Variants in TIAM1 observed in about 807,000 individuals in gnomAD.
The protein encoded by TIAM1 is TIAM Rac1 associated GEF 1.
A neutral mutation model predicts 163.5 loss-of-function variants in TIAM1; 65 were observed. The ratio of observed to expected loss-of-function variants is 0.40; its 90% CI spans 0.33 to 0.49. TIAM1 has a LOEUF of 0.49. Among genes scored for constraint, TIAM1 ranks in the 20% least tolerant of loss-of-function variants. The pLI, the probability that TIAM1 is intolerant of heterozygous loss-of-function variation, is 0.77. For synonymous variants in TIAM1, 833 were observed against 810.1 expected (o/e 1.03, Z -0.48); for missense variants, 1,789 against 2,044.7 (o/e 0.87, Z 2.41).
At chr21:31,315,463 C>G (rs1469896206) in intron 2 of TIAM1, among the ~76,000 whole-genome samples, 1 of 151,298 alleles carries the variant, frequency 6.6e-6, no homozygotes, top group Non-Finnish European at 1.5e-5. Context: ...TGCAGTGAGC[C>G]AAGATCACGC....
At chr21:31,309,315 G>A (rs993951554) in intron 2 of TIAM1, among the ~76,000 whole-genome samples, 4 of 151,954 alleles carry the variant, frequency 2.6e-5, no homozygotes, top group Non-Finnish European at 4.4e-5. Flanking sequence ...AAAATTAGCC[G>A]GGCACGGTGG....
chr21:31,205,910 G>A (rs2086430026), intron 11 of TIAM1, among the ~76,000 whole-genome samples: 1 of 152,162 alleles, frequency 6.6e-6, no homozygotes, highest in African/African-American at 2.4e-5. Flanking sequence ...CAAGGCTGCA[G>A]TGAGCTATGA....
intron 14 of TIAM1, among the ~76,000 whole-genome samples, chr21:31,185,835 T>C (rs2146455993): frequency 6.6e-6 from 1 of 152,020 alleles, no homozygotes; most frequent in East Asian, 1.9e-4. Context: ...GCCATGTGAC[T>C]TCAGGCAGAG....
intron 1 of TIAM1, among the ~76,000 whole-genome samples, chr21:31,465,448 A>T (rs2045488259): frequency 6.6e-6 from 1 of 152,072 alleles, no homozygotes; most frequent in African/African-American, 2.4e-5. Flanking sequence ...GAAAGACAGA[A>T]TTAAGATGAA....
At chr21:31,459,422 A>G (rs2045241139) in intron 2 of TIAM1, among the ~76,000 whole-genome samples, 1 of 152,240 alleles carries the variant, frequency 6.6e-6, no homozygotes, top group Non-Finnish European at 1.5e-5. Flanking sequence ...AAACCAACTG[A>G]GAGGCAACTG....
intron 1 of TIAM1, among the ~76,000 whole-genome samples, chr21:31,484,156 G>C (rs780556290): frequency 1.3e-5 from 2 of 152,186 alleles, no homozygotes; most frequent in Non-Finnish European, 2.9e-5. Context: ...CTGGCTCCCT[G>C]ATCTTGGACT....
intron 2 of TIAM1, among the ~76,000 whole-genome samples, chr21:31,430,194 G>A (rs1333738112): frequency 6.4e-5 from 8 of 124,780 alleles, no homozygotes; most frequent in East Asian, 2.4e-4. Flanking sequence ...CAACAAGAGC[G>A]AAACTCCATC....
intron 1 of TIAM1, among the ~76,000 whole-genome samples, chr21:31,537,980 G>A (rs908900079): frequency 1.3e-5 from 2 of 152,112 alleles, no homozygotes; most frequent in East Asian, 1.9e-4. Context: ...AACAGTGAAC[G>A]AAAGACACCA....
intron 20 of TIAM1, among the ~76,000 whole-genome samples, chr21:31,145,891 T>A (rs1430270436): frequency 3.9e-5 from 6 of 152,152 alleles, no homozygotes; most frequent in Non-Finnish European, 7.3e-5. Flanking sequence ...TATAACAAAA[T>A]GATGTTGAAC....
At chr21:31,144,830 G>GAAAAAAAAAAAAAAA (rs764835303) in intron 20 of TIAM1, among the ~76,000 whole-genome samples, 2 of 74,480 alleles carry the variant, frequency 2.7e-5, no homozygotes, top group Non-Finnish European at 4.9e-5. Flanking sequence ...CTCCATCTCA[G>GAAAAAAAAAAAAAAA]AAAAAAAAAA....
chr21:31,457,496 G>A (rs2045149721), intron 2 of TIAM1, among the ~76,000 whole-genome samples: 1 of 152,134 alleles, frequency 6.6e-6, no homozygotes, highest in Non-Finnish European at 1.5e-5. Flanking sequence ...TATTAGTGAA[G>A]AGCAACATTC....
intron 11 of TIAM1, among the ~76,000 whole-genome samples, chr21:31,207,314 T>A (rs1367127202): frequency 6.6e-6 from 1 of 152,152 alleles, no homozygotes; most frequent in Non-Finnish European, 1.5e-5. Flanking sequence ...AGATGGCAGA[T>A]GGCAAACTGA....
intron 25 of TIAM1, among the ~76,000 whole-genome samples, chr21:31,127,575 G>A (rs963743828): frequency 3.3e-5 from 5 of 151,862 alleles, no homozygotes; most frequent in Admixed American, 1.3e-4. Flanking sequence ...TGCACCCCAC[G>A]CCCGGCTAAT....
chr21:31,143,407 A>C (rs989793524), intron 20 of TIAM1, among the ~76,000 whole-genome samples: 1 of 151,674 alleles, frequency 6.6e-6, no homozygotes, highest in Admixed American at 6.6e-5. Context: ...TCAATAAATA[A>C]ATACCCTCTC....
intron 6 of TIAM1, among the ~76,000 whole-genome samples, chr21:31,242,620 A>G (rs1015279414): frequency 2.6e-5 from 4 of 152,220 alleles, no homozygotes; most frequent in Non-Finnish European, 5.9e-5. Context: ...TTGCTTCTGT[A>G]CATTTAAGGA....
At chr21:31,440,977 T>G (rs888009593) in intron 2 of TIAM1, among the ~76,000 whole-genome samples, 1 of 152,176 alleles carries the variant, frequency 6.6e-6, no homozygotes, top group African/African-American at 2.4e-5. Flanking sequence ...CCCATTCTAG[T>G]TCCCAGCACC....
chr21:31,276,769 C>T lies in TIAM1; in HGVS notation c.-49G>A, dbSNP rs1469102931. 4 of 152,202 alleles carry T rather than the reference C, an allele frequency of 2.6e-5. No individual in the cohort carries two copies. The highest frequency in any genetic ancestry group is 5.9e-5 in the Non-Finnish European group (4 of 68,044). 9.4% of individuals were successfully genotyped at this position (152,202 alleles called of 1,614,324 possible). A position where few individuals can be genotyped will look rare whatever the true frequency, so the allele number is the denominator to read the frequency against. On this transcript the variant is annotated 5_prime_UTR_variant, in exon 3 of 28. An upstream open reading frame in the 5' UTR gains an earlier in-frame stop. Coordinates refer to ENST00000541036, the MANE Select transcript of TIAM1 (RefSeq NM_001353694.2). ...CAGTGGTCCCCAGCCCAACTTGCTCCAAGAGCACTGTGGCATTTAGATATT... is the reference window on the plus strand; with the variant it reads ...CAGTGGTCCCCAGCCCAACTTGCTCTAAGAGCACTGTGGCATTTAGATATT...
At chr21:31,546,557 AAAGAAAG>A (rs2048498502) in intron 1 of TIAM1, among the ~76,000 whole-genome samples, 1 of 38,886 alleles carries the variant, frequency 2.6e-5, no homozygotes, top group Non-Finnish European at 5.2e-5. Context: ...CTCAAAAAAA[AAAGAAAG>A]AAAGAAAGAA....
intron 1 of TIAM1, among the ~76,000 whole-genome samples, chr21:31,557,671 C>A (rs1373333249): frequency 1.3e-5 from 2 of 152,224 alleles, no homozygotes; most frequent in Non-Finnish European, 2.9e-5. Flanking sequence ...CGGGATGCGG[C>A]ACAGCTGCCC....
Sources: gnomAD v4.1 joint callset for allele counts (sites outside exome capture counted in the v4.1 genomes callset) on GRCh38, gnomAD v4.1.1 for gene constraint, MANE v1.5 for transcripts, NCBI Gene and HGNC (gene_info 2026-07-23, HGNC 2026-07-21) for gene names.